LPIN2: variants seen among roughly 807,000 people sequenced by gnomAD.
The protein encoded by LPIN2 is lipin 2.
LPIN2 carries 55 observed loss-of-function variants against 111.4 expected under a neutral mutation model. The ratio of observed to expected loss-of-function variants is 0.49; its 90% CI spans 0.40 to 0.62. The LOEUF is 0.62. Ranked by LOEUF, LPIN2 falls within the 20% of genes least tolerant of loss-of-function variation. The pLI, the probability that LPIN2 is intolerant of heterozygous loss-of-function variation, is 0.00. For synonymous variants in LPIN2, 425 were observed against 414.0 expected (o/e 1.03, Z -0.32); for missense variants, 992 against 1,112.1 (o/e 0.89, Z 1.54).
Position 2,925,114 on chromosome 18 carries a change from CCGTGTGG to C in LPIN2, c.1938+103_1938+109del, listed in dbSNP as rs1477404989. The C allele has an allele frequency of 7.3e-7, 1 of 1,372,288 alleles. No individual in the cohort carries two copies. The highest frequency in any genetic ancestry group is 2.3e-5 in the East Asian group (1 of 42,996). The allele number at this position is 1,372,288 out of a possible 1,614,324, so 85.0% of individuals were successfully genotyped here. On this transcript the variant is annotated intron_variant, in intron 14 of 19. Transcript: ENST00000677752. The surrounding 1 kb of genome is among the most constrained non-coding windows in gnomAD (Gnocchi z 4.1). ...GTGGATAGGCATTGACACGACCATG[CCGTGTGG>C]CGTGTATGCAGCTGGGGACGTGTGG...
intron 1 of LPIN2, among the ~76,000 whole-genome samples, chr18:3,010,157 A>C (rs1308003353): frequency 6.6e-6 from 1 of 152,224 alleles, no homozygotes; most frequent in Non-Finnish European, 1.5e-5. Flanking sequence ...GCTTGTCTTG[A>C]AACACACATG....
intron 2 of LPIN2, among the ~76,000 whole-genome samples, chr18:2,960,144 T>C (rs946928682): frequency 6.0e-5 from 9 of 149,996 alleles, no homozygotes; most frequent in Non-Finnish European, 8.9e-5. Flanking sequence ...TACTCCAGCC[T>C]GGACAGCAAA....
At chr18:2,992,879 G>A (rs1010934083) in intron 1 of LPIN2, among the ~76,000 whole-genome samples, 1 of 151,718 alleles carries the variant, frequency 6.6e-6, no homozygotes, top group African/African-American at 2.4e-5. Context: ...CCAGCTACTC[G>A]GGAGGCTGAG....
chr18:2,922,817 TTTAAA>T (rs2077074969), intron 16 of LPIN2, among the ~76,000 whole-genome samples: 1 of 152,346 alleles, frequency 6.6e-6, no homozygotes, highest in African/African-American at 2.4e-5. Flanking sequence ...TTGGACTATC[TTTAAA>T]TTACCCACTG....
chr18:2,990,019 C>G lies in LPIN2; in HGVS notation c.-10+23068G>C, dbSNP rs138802003. On this transcript the variant is annotated intron_variant, in intron 1 of 19. Transcript: ENST00000677752. ...TAGACTTGAGAGTCCAGAAATAAAC[C>G]CAAACATTTATGGCCAATTGATATT... Among the ~76,000 whole-genome samples the G allele has an allele frequency of 7.7e-3, 1,169 of 152,104 alleles. 11 individuals carry two copies. The highest frequency in any genetic ancestry group is 0.027 in the African/African-American group (1,111 of 41,492).
At chr18:2,953,269 C>A (rs558147567) in intron 3 of LPIN2, among the ~76,000 whole-genome samples, 4 of 152,260 alleles carry the variant, frequency 2.6e-5, no homozygotes, top group African/African-American at 7.2e-5. Flanking sequence ...ACATCAATAA[C>A]CCAGTCCTCT....
chr18:2,925,794 C>T lies in LPIN2; in HGVS notation c.1794-426G>A, dbSNP rs1443933447. 6.6e-6 allele frequency among the ~76,000 whole-genome samples: 1 copy of T among 152,146 alleles called. No individual in the cohort carries two copies. The highest frequency in any genetic ancestry group is 1.5e-5 in the Non-Finnish European group (1 of 68,030). On this transcript the variant is annotated intron_variant, in intron 13 of 19. Coordinates refer to ENST00000677752, the MANE Select transcript of LPIN2 (RefSeq NM_001375808.2). The surrounding 1 kb of genome is among the most constrained non-coding windows in gnomAD (Gnocchi z 4.1). ...GCCGAGTTAGGAGGACACCTTGAGC[C>T]CAGGAGTTTGAGACCAGCCTGGGCA...
intron 1 of LPIN2, chr18:2,967,807 G>A (rs1324763606): frequency 2.0e-5 from 3 of 152,086 alleles, no homozygotes; most frequent in Non-Finnish European, 4.4e-5. Context: ...TCTTTTCCCC[G>A]TCATAGTAGA....
chr18:2,920,053 G>A lies in LPIN2; in HGVS notation c.*240C>T. 1 of 587,242 alleles carries A rather than the reference G, an allele frequency of 1.7e-6. No homozygotes were observed. Among genetic ancestry groups the A allele is most frequent in the South Asian group, 2.0e-5 (1 of 50,734 alleles). The allele number at this position is 587,242 out of a possible 1,614,324, so 36.4% of individuals were successfully genotyped here. On this transcript the variant is annotated 3_prime_UTR_variant, in exon 20 of 20. Coordinates refer to ENST00000677752, the MANE Select transcript of LPIN2 (RefSeq NM_001375808.2). ...GGAAACATGTGTGCGACCCACAAAGGAGGGATCCCAGGCCTCCAGCCCCAG... is the reference window on the plus strand; with the variant it reads ...GGAAACATGTGTGCGACCCACAAAGAAGGGATCCCAGGCCTCCAGCCCCAG...
chr18:2,962,638 G>T (rs1381038179), intron 1 of LPIN2, among the ~76,000 whole-genome samples: 1 of 152,092 alleles, frequency 6.6e-6, no homozygotes, highest in African/African-American at 2.4e-5. Context: ...AGATTCACAT[G>T]TGGTTCTAAA....
Position 2,923,829 on chromosome 18 carries a change from A to G in LPIN2, c.2120T>C (p.Leu707Pro). ...SDALGQILPQ[L>P]GKDWTHQGIA... ...ACCCTGGTGGGTCCAGTCTTTGCCC[A>G]GCTGTGGGAGAATCTGTCCCAAAGC... The change falls in exon 16 of 20, where the codon CTG becomes CCG. Residue 707 changes from leucine to proline, a missense_variant. Leu to Pro is a moderately conservative substitution (Grantham distance 98, BLOSUM62 -3). Around this residue, in one of 4 missense-constraint regions of LPIN2, gnomAD observed 31 missense variants for 60.3 expected, o/e 0.51. Coordinates refer to ENST00000677752, the MANE Select transcript of LPIN2 (RefSeq NM_001375808.2). 6.2e-7 allele frequency: 1 copy of G among 1,614,240 alleles called. No individual in the cohort carries two copies. The highest frequency in any genetic ancestry group is 8.5e-7 in the Non-Finnish European group (1 of 1,180,038).
chr18:3,012,373 CT>C (rs1253125039), intron 1 of LPIN2, among the ~76,000 whole-genome samples: 1 of 152,196 alleles, frequency 6.6e-6, no homozygotes, highest in Admixed American at 6.5e-5. Flanking sequence ...TGAAAAGAGT[CT>C]TAAAATGTTC....
chr18:3,005,166 A>G (rs1016758470), intron 1 of LPIN2, among the ~76,000 whole-genome samples: 19 of 151,940 alleles, frequency 1.3e-4, no homozygotes, highest in African/African-American at 3.9e-4. Context: ...CCTGGCCAAC[A>G]TGGTGAAACC....
At chr18:2,988,370 C>T (rs1268973583) in intron 1 of LPIN2, among the ~76,000 whole-genome samples, 6 of 152,104 alleles carry the variant, frequency 3.9e-5, no homozygotes, top group Admixed American at 3.9e-4. Flanking sequence ...TAATGCTATA[C>T]TTAAGTGTTA....
chr18:2,939,831 C>T (rs1376454933), intron 5 of LPIN2, among the ~76,000 whole-genome samples: 1 of 152,164 alleles, frequency 6.6e-6, no homozygotes, highest in Non-Finnish European at 1.5e-5. Context: ...CCTTTGTAAA[C>T]AAACACTGTA....
chr18:2,949,879 G>A (rs2077508033), intron 4 of LPIN2, among the ~76,000 whole-genome samples: 1 of 152,112 alleles, frequency 6.6e-6, no homozygotes, highest in Non-Finnish European at 1.5e-5. Context: ...CGGGAGAGTT[G>A]CTTGAGGCCA....
intron 1 of LPIN2, among the ~76,000 whole-genome samples, chr18:2,997,511 A>G (rs1255798000): frequency 6.6e-6 from 1 of 152,228 alleles, no homozygotes; most frequent in Non-Finnish European, 1.5e-5. Context: ...AGACATCATC[A>G]GAGTACCAGG....
Position 2,931,247 on chromosome 18 carries a change from C to T in LPIN2, c.1456+9G>A. The T allele has an allele frequency of 6.2e-7, 1 of 1,613,920 alleles. No homozygotes were observed. Among genetic ancestry groups the T allele is most frequent in the South Asian group, 1.1e-5 (1 of 91,002 alleles). ...TGAAATGAAGATGGGGCACAAACAC[C>T]CAACGTACCTTTTGAAATTTCTCCA... On this transcript the variant is annotated intron_variant, in intron 9 of 19. Coordinates refer to ENST00000677752, the MANE Select transcript of LPIN2 (RefSeq NM_001375808.2).
At chr18:2,924,069 G>C (rs2077095451) in intron 15 of LPIN2, among the ~76,000 whole-genome samples, 1 of 152,208 alleles carries the variant, frequency 6.6e-6, no homozygotes, top group South Asian at 2.1e-4. Flanking sequence ...ACGAGCGCCA[G>C]ATGTGTGTGT....
Sources: gnomAD v4.1 joint callset for allele counts (sites outside exome capture counted in the v4.1 genomes callset) on GRCh38, gnomAD v4.1.1 for gene constraint, gnomAD v4.1.1 regional missense constraint, Gnocchi (gnomAD v3.1) non-coding constraint, MANE v1.5 for transcripts, NCBI Gene and HGNC (gene_info 2026-07-23, HGNC 2026-07-21) for gene names.